Variants in MAML2 observed in about 807,000 individuals in gnomAD.
MAML2 encodes the protein mastermind like transcriptional coactivator 2.
A neutral mutation model predicts 96.1 loss-of-function variants in MAML2; 22 were observed. That is an observed-to-expected ratio of 0.23 (90% CI 0.16 to 0.33). The LOEUF (loss-of-function observed/expected upper bound fraction) is 0.33. MAML2 is among the 10% of genes least tolerant of loss of function. The probability of loss-of-function intolerance (pLI) is 1.00; values close to 1 mark genes in which losing one functional copy is unlikely to be tolerated. For missense variants in MAML2, 1,367 were observed against 1,392.4 expected (o/e 0.98, Z 0.29); for synonymous variants, 561 against 521.3 (o/e 1.08, Z -1.04).
chr11:96,215,618 T>G (rs1177253609), intron 1 of MAML2, among the ~76,000 whole-genome samples: 1 of 151,910 alleles, frequency 6.6e-6, no homozygotes, highest in Non-Finnish European at 1.5e-5. Context: ...ACCGACCTCA[T>G]GAGCAGTTCA....
intron 1 of MAML2, among the ~76,000 whole-genome samples, chr11:96,310,199 T>C (rs918389375): frequency 2.0e-5 from 3 of 152,108 alleles, no homozygotes; most frequent in African/African-American, 7.2e-5. Context: ...TATAAAAAAA[T>C]AGCTAAAATG....
intron 1 of MAML2, among the ~76,000 whole-genome samples, chr11:96,266,837 G>T (rs1862835195): frequency 6.6e-6 from 1 of 152,128 alleles, no homozygotes; most frequent in African/African-American, 2.4e-5. Flanking sequence ...ATCACACATG[G>T]AAATGTGGTT....
intron 1 of MAML2, among the ~76,000 whole-genome samples, chr11:96,261,116 G>A (rs1282508101): frequency 2.0e-5 from 3 of 152,220 alleles, no homozygotes; most frequent in East Asian, 3.9e-4. Context: ...ACTTTAAGAG[G>A]TGATTGGATC....
At chr11:96,084,979 G>A (rs904294530) in intron 2 of MAML2, among the ~76,000 whole-genome samples, 1 of 152,186 alleles carries the variant, frequency 6.6e-6, no homozygotes, top group African/African-American at 2.4e-5. Context: ...TTTCATCATC[G>A]AGGATCTTGA....
At chr11:96,281,320 T>C (rs2135985870) in intron 1 of MAML2, among the ~76,000 whole-genome samples, 1 of 152,204 alleles carries the variant, frequency 6.6e-6, no homozygotes, top group Non-Finnish European at 1.5e-5. Flanking sequence ...AGGTGATGGA[T>C]AGATCACTAA....
At chr11:96,048,179 G>T (rs1394643729) in intron 2 of MAML2, among the ~76,000 whole-genome samples, 1 of 152,022 alleles carries the variant, frequency 6.6e-6, no homozygotes. Flanking sequence ...TCATAAAAAG[G>T]TGCACCACTT....
At chr11:95,999,031 T>C (rs896480098) in intron 2 of MAML2, among the ~76,000 whole-genome samples, 3 of 152,180 alleles carry the variant, frequency 2.0e-5, no homozygotes, top group Non-Finnish European at 4.4e-5. Context: ...TCTGTGTTAA[T>C]TGTGTTTCTC....
intron 1 of MAML2, among the ~76,000 whole-genome samples, chr11:96,169,802 G>A (rs1815752): frequency 0.31 from 46,711 of 151,944 alleles, 8,538 homozygotes; most frequent in Middle Eastern, 0.43. Flanking sequence ...CTACAGGTGC[G>A]TGCCACCATG....
intron 1 of MAML2, among the ~76,000 whole-genome samples, chr11:96,282,015 C>T (rs942258400): frequency 6.6e-6 from 1 of 151,876 alleles, no homozygotes. Flanking sequence ...TTTGGGAGGC[C>T]GAGGCAGGCG....
chr11:96,299,060 A>AAAATATATATATAT (rs55878534), intron 1 of MAML2, among the ~76,000 whole-genome samples: 4 of 56,334 alleles, frequency 7.1e-5, no homozygotes, highest in South Asian at 6.8e-4. Flanking sequence ...AAAAAAAAAA[A>AAAATATATATATAT]ATATATATAT....
chr11:95,988,322 G>T (rs1203630793), intron 3 of MAML2, among the ~76,000 whole-genome samples: 1 of 151,018 alleles, frequency 6.6e-6, no homozygotes, highest in Non-Finnish European at 1.5e-5. Context: ...GCAATGGCAC[G>T]ATCTCAGCTC....
chr11:96,100,360 A>G (rs1344986929), intron 1 of MAML2, among the ~76,000 whole-genome samples: 1 of 150,664 alleles, frequency 6.6e-6, no homozygotes, highest in East Asian at 1.9e-4. Context: ...CCCAGGCTGG[A>G]GTGCAGTGGC....
rs114698290 is a variant in MAML2, at chr11:96,014,078, G to A, written c.2140-22355C>T. ...GGGGTCGCAGCCCCACAGCCTGCCT[G>A]TATGTATGCTCCCTTAGAGGTTTGA... On this transcript the variant is annotated intron_variant, in intron 2 of 4. Transcript: ENST00000524717. 2.1e-3 allele frequency among the ~76,000 whole-genome samples: 325 copies of A among 152,290 alleles called. 4 individuals carry two copies. The highest frequency in any genetic ancestry group is 7.5e-3 in the African/African-American group (313 of 41,552).
chr11:95,997,117 T>C lies in MAML2; in HGVS notation c.2140-5394A>G, dbSNP rs1236596109. ...AATAGTCAATGACTGGTTCAAATCA[T>C]GAACTTGCATGATCTTTCATTTTAC... On this transcript the variant is annotated intron_variant, in intron 2 of 4. Coordinates refer to ENST00000524717, the MANE Select transcript of MAML2 (RefSeq NM_032427.4). 2.0e-5 allele frequency among the ~76,000 whole-genome samples: 3 copies of C among 152,314 alleles called. No individual in the cohort carries two copies. In the East Asian group the frequency reaches 5.8e-4, roughly 29 times the overall value.
intron 3 of MAML2, among the ~76,000 whole-genome samples, chr11:95,987,480 T>C (rs1344086070): frequency 6.6e-6 from 1 of 152,110 alleles, no homozygotes; most frequent in African/African-American, 2.4e-5. Context: ...ATTTTCAAAA[T>C]AAAAATAATC....
intron 1 of MAML2, among the ~76,000 whole-genome samples, chr11:96,181,146 C>T (rs1199944122): frequency 1.3e-5 from 2 of 152,174 alleles, no homozygotes; most frequent in East Asian, 3.9e-4. Context: ...TCTTCAGTTA[C>T]TTCAGGCCAC....
intron 1 of MAML2, among the ~76,000 whole-genome samples, chr11:96,305,606 G>C (rs758068111): frequency 6.6e-6 from 1 of 152,070 alleles, no homozygotes; most frequent in Non-Finnish European, 1.5e-5. Context: ...AAAAAACTTT[G>C]GCAAAAAGAA....
chr11:96,025,714 C>T (rs1023766434), intron 2 of MAML2, among the ~76,000 whole-genome samples: 1 of 151,842 alleles, frequency 6.6e-6, no homozygotes, highest in Admixed American at 6.6e-5. Context: ...CCACCATACC[C>T]AACTAATTTT....
intron 1 of MAML2, among the ~76,000 whole-genome samples, chr11:96,095,293 G>C (rs976081958): frequency 3.9e-5 from 6 of 152,068 alleles, no homozygotes; most frequent in African/African-American, 1.4e-4. Flanking sequence ...GAGCTGAGTG[G>C]GAAAAATCTG....
Sources: gnomAD v4.1 joint callset for allele counts (sites outside exome capture counted in the v4.1 genomes callset) on GRCh38, gnomAD v4.1.1 for gene constraint, MANE v1.5 for transcripts, NCBI Gene and HGNC (gene_info 2026-07-23, HGNC 2026-07-21) for gene names.